Variants in PCDHA4 observed in about 807,000 individuals in gnomAD.
PCDHA4 encodes protocadherin alpha-4.
PCDHA4 carries 49 observed loss-of-function variants against 61.4 expected under a neutral mutation model. The observed-to-expected ratio is 0.80, with a 90% CI of 0.63 to 1.01. PCDHA4 has a LOEUF of 1.01. PCDHA4 is among the 50% of genes least tolerant of loss of function. The probability of loss-of-function intolerance (pLI) is 0.00; values close to 1 mark genes in which losing one functional copy is unlikely to be tolerated. For missense variants in PCDHA4, 1,254 were observed against 1,235.8 expected, an observed-to-expected ratio of 1.01 and a Z score of -0.22; for synonymous variants, 590 against 550.3, an observed-to-expected ratio of 1.07 and a Z score of -1.01.
chr5:141,005,333 A>T (rs1554260005), intron 3 of PCDHA4, among the ~76,000 whole-genome samples: 1 of 152,224 alleles, frequency 6.6e-6, no homozygotes, highest in Non-Finnish European at 1.5e-5. Flanking sequence ...TAATAGGCCA[A>T]GGGGGTGCTG....
At chr5:140,911,316 A>G (rs1308533373) in intron 1 of PCDHA4, among the ~76,000 whole-genome samples, 1 of 152,186 alleles carries the variant, frequency 6.6e-6, no homozygotes, top group African/African-American at 2.4e-5. Context: ...TCCAAGTTTC[A>G]GGATCCCATT....
chr5:140,968,063 G>A, intron 1 of PCDHA4: 1 of 1,614,096 alleles, frequency 6.2e-7, no homozygotes. Flanking sequence ...AGAGCGGGTG[G>A]CTGTCTACAA....
intron 1 of PCDHA4, chr5:140,928,551 G>A (rs782615304): frequency 2.5e-6 from 4 of 1,614,044 alleles, no homozygotes; most frequent in Non-Finnish European, 2.5e-6. Context: ...ACAATTATCC[G>A]GTTATCTTGT....
chr5:140,929,074 G>T, intron 1 of PCDHA4: 2 of 1,614,182 alleles, frequency 1.2e-6, no homozygotes, highest in South Asian at 2.2e-5. Flanking sequence ...TCTGAGGTAT[G>T]GAAGTAAGAT....
At chr5:140,884,995 T>C (rs1168400289) in intron 1 of PCDHA4, among the ~76,000 whole-genome samples, 1 of 152,228 alleles carries the variant, frequency 6.6e-6, no homozygotes, top group African/African-American at 2.4e-5. Context: ...AAAATGTTTG[T>C]TTTAATGAGG....
At chr5:140,890,136 T>C (rs1297709763) in intron 1 of PCDHA4, among the ~76,000 whole-genome samples, 4 of 152,148 alleles carry the variant, frequency 2.6e-5, no homozygotes, top group Non-Finnish European at 4.4e-5. Flanking sequence ...TAGCTTGAAA[T>C]TGGCCATGGT....
intron 1 of PCDHA4, chr5:140,841,911 G>T: frequency 1.2e-6 from 2 of 1,613,886 alleles, no homozygotes; most frequent in Non-Finnish European, 1.7e-6. Context: ...CTCGTATTAA[G>T]AAAATCCTTG....
At chr5:140,869,217 G>T in intron 1 of PCDHA4, 4 of 1,613,842 alleles carry the variant, frequency 2.5e-6, no homozygotes, top group South Asian at 2.2e-5. Flanking sequence ...TCTCGGAGGA[G>T]GCCAAACACG....
intron 1 of PCDHA4, among the ~76,000 whole-genome samples, chr5:140,972,712 G>T (rs1409880262): frequency 6.9e-6 from 1 of 144,630 alleles, no homozygotes; most frequent in East Asian, 2.0e-4. Context: ...TTGCCAGGCT[G>T]GAGTGCAGTG....
Position 140,849,622 on chromosome 5 carries a change from A to G in PCDHA4, c.2385+40050A>G. The G allele has an allele frequency of 1.9e-6, 3 of 1,598,702 alleles. 1 individual carries two copies. The highest frequency in any genetic ancestry group is 2.6e-6 in the Non-Finnish European group (3 of 1,167,960). On this transcript the variant is annotated intron_variant, in intron 1 of 3. Coordinates refer to ENST00000530339, the MANE Select transcript of PCDHA4 (RefSeq NM_018907.4). Reference sequence around the variant, plus strand: ...GTTATTGCCCTGATTAGTGTGATCGACCTAGACGCAGATGCCAACGGGCAG... The same window carrying G: ...GTTATTGCCCTGATTAGTGTGATCGGCCTAGACGCAGATGCCAACGGGCAG...
At chr5:140,869,940 C>T in intron 1 of PCDHA4, 1 of 1,612,138 alleles carries the variant, frequency 6.2e-7, no homozygotes, top group African/African-American at 1.3e-5. Flanking sequence ...AGGTAACATA[C>T]TCCTTAATGT....
Position 140,958,902 on chromosome 5 carries a change from GAA to G in PCDHA4, c.2386-20044_2386-20043del, listed in dbSNP as rs201571519. On this transcript the variant is annotated intron_variant, in intron 1 of 3. Transcript: ENST00000530339. ...GACCAGTAGCTATATAATAGATACA[GAA>G]AAGTCTGCCTGGGTGTGGTGGCTCA... Among the ~76,000 whole-genome samples the G allele has an allele frequency of 8.2e-3, 1,248 of 152,002 alleles. 7 individuals carry two copies. The highest frequency in any genetic ancestry group is 0.021 in the Middle Eastern group (6 of 292).
At chr5:140,921,500 A>G (rs2080246724) in intron 1 of PCDHA4, among the ~76,000 whole-genome samples, 1 of 152,210 alleles carries the variant, frequency 6.6e-6, no homozygotes, top group Admixed American at 6.5e-5. Context: ...AGTTTATTAG[A>G]TAGTGCCTAA....
chr5:140,813,508 CAT>C (rs1765319427), intron 1 of PCDHA4: 1 of 152,062 alleles, frequency 6.6e-6, no homozygotes. Context: ...ACAGTAAAAA[CAT>C]TGTACAGATT....
chr5:140,896,090 C>CA (rs2065374359), intron 1 of PCDHA4, among the ~76,000 whole-genome samples: 1 of 152,152 alleles, frequency 6.6e-6, no homozygotes, highest in Non-Finnish European at 1.5e-5. Flanking sequence ...GGATTACAGG[C>CA]GTGAGCCACT....
chr5:140,998,836 T>C (rs1388208720), intron 3 of PCDHA4, among the ~76,000 whole-genome samples: 2 of 152,254 alleles, frequency 1.3e-5, no homozygotes, highest in Non-Finnish European at 2.9e-5. Context: ...AGTGCTGGAT[T>C]ACTGGTGTGA....
At chr5:140,893,083 T>C (rs2063812039) in intron 1 of PCDHA4, among the ~76,000 whole-genome samples, 1 of 152,266 alleles carries the variant, frequency 6.6e-6, no homozygotes, top group Non-Finnish European at 1.5e-5. Flanking sequence ...GATTTCATTC[T>C]TTTTTATGGC....
chr5:140,933,739 G>A (rs531821370), intron 1 of PCDHA4, among the ~76,000 whole-genome samples: 18 of 151,856 alleles, frequency 1.2e-4, no homozygotes, highest in Admixed American at 3.9e-4. Flanking sequence ...TTAAATATTT[G>A]GTAGAATTCA....
At chr5:140,848,691 T>C in intron 1 of PCDHA4, 1 of 1,592,078 alleles carries the variant, frequency 6.3e-7, no homozygotes, top group South Asian at 1.1e-5. Context: ...CCTGTTCCAG[T>C]TGGATTCCAA....
Sources: gnomAD v4.1 joint callset for allele counts (sites outside exome capture counted in the v4.1 genomes callset) on GRCh38, gnomAD v4.1.1 for gene constraint, MANE v1.5 for transcripts, NCBI Gene and HGNC (gene_info 2026-07-23, HGNC 2026-07-21) for gene names.